The following RGS6 variants were observed in gnomAD, a reference collection of about 807,000 sequenced individuals.
The protein encoded by RGS6 is regulator of G-protein signaling 6.
RGS6 carries 30 observed loss-of-function variants against 78.5 expected under a neutral mutation model. The ratio of observed to expected loss-of-function variants is 0.38; its 90% CI spans 0.29 to 0.52. The LOEUF is 0.52. Among genes scored for constraint, RGS6 ranks in the 20% least tolerant of loss-of-function variants. The pLI, the probability that RGS6 is intolerant of heterozygous loss-of-function variation, is 0.85. For missense variants in RGS6, 495 were observed against 609.7 expected (o/e 0.81, Z 1.98); for synonymous variants, 206 against 206.0 (o/e 1.00, Z 0.00).
chr14:71,901,110 A>G, the RGS6 span, among the ~76,000 whole-genome samples: 1 of 152,242 alleles, frequency 6.6e-6, no homozygotes, highest in Non-Finnish European at 1.5e-5. Flanking sequence ...CTTGGAGAGG[A>G]TGAACATCCA....
intron 2 of RGS6, among the ~76,000 whole-genome samples, chr14:72,074,158 A>G (rs1226216084): frequency 2.6e-5 from 4 of 152,240 alleles, no homozygotes; most frequent in Admixed American, 6.5e-5. Flanking sequence ...GCTTCCTACC[A>G]TAACAGACAG....
chr14:71,891,156 T>C, the RGS6 span, among the ~76,000 whole-genome samples: 1 of 152,238 alleles, frequency 6.6e-6, no homozygotes, highest in African/African-American at 2.4e-5. Flanking sequence ...TTGTAGTTTG[T>C]AAAATTCTCA....
chr14:72,108,259 C>A (rs1422811381), intron 2 of RGS6, among the ~76,000 whole-genome samples: 1 of 152,100 alleles, frequency 6.6e-6, no homozygotes, highest in Non-Finnish European at 1.5e-5. Flanking sequence ...TAGATCATAT[C>A]CTTCTGGCAT....
chr14:72,475,836 A>ACACACACACACACG (rs1166119534), intron 10 of RGS6, among the ~76,000 whole-genome samples: 3 of 151,382 alleles, frequency 2.0e-5, no homozygotes, highest in Admixed American at 6.6e-5. Flanking sequence ...ACACGCACAC[A>ACACACACACACACG]CACACACACA....
intron 1 of RGS6, among the ~76,000 whole-genome samples, chr14:71,935,095 ATCT>A (rs538747886): frequency 6.6e-6 from 1 of 152,230 alleles, no homozygotes; most frequent in Non-Finnish European, 1.5e-5. Context: ...ACCAAATTTC[ATCT>A]TCTTTGTAAC....
chr14:72,308,646 A>C (rs781648873), intron 2 of RGS6, among the ~76,000 whole-genome samples: 7 of 152,218 alleles, frequency 4.6e-5, no homozygotes, highest in Non-Finnish European at 7.3e-5. Context: ...AGCAAATACT[A>C]AGTAAGCATC....
chr14:72,442,543 CTTA>C (rs901510331), intron 3 of RGS6, among the ~76,000 whole-genome samples: 2 of 152,208 alleles, frequency 1.3e-5, no homozygotes, highest in Non-Finnish European at 2.9e-5. Flanking sequence ...AGAGCCCTGT[CTTA>C]TTCATCATTG....
chr14:72,125,633 A>C (rs186530715), intron 2 of RGS6, among the ~76,000 whole-genome samples: 1 of 152,052 alleles, frequency 6.6e-6, no homozygotes, highest in African/African-American at 2.4e-5. Context: ...AGTGTGGTCT[A>C]TTGTGGGGGG....
chr14:72,357,353 C>T lies in RGS6; in HGVS notation c.184+5159C>T, dbSNP rs374592066. 4.0e-5 allele frequency among the ~76,000 whole-genome samples: 6 copies of T among 151,798 alleles called. No individual in the cohort carries two copies. In the East Asian group the frequency reaches 1.2e-3, roughly 29 times the overall value. On this transcript the variant is annotated intron_variant, in intron 3 of 17. Coordinates refer to ENST00000553525, the MANE Select transcript of RGS6 (RefSeq NM_001204424.2). ...ACAGTTTGAAGGGCTCAGAAGAAGA[C>T]AAGAATATGGGGGAAAGTTTGGAAC...
At chr14:72,367,126 A>G (rs1566641127) in intron 3 of RGS6, among the ~76,000 whole-genome samples, 1 of 152,166 alleles carries the variant, frequency 6.6e-6, no homozygotes, top group Non-Finnish European at 1.5e-5. Context: ...CCTCACTACC[A>G]TTGCAAACTG....
chr14:71,961,203 G>A (rs2093169290), intron 1 of RGS6, among the ~76,000 whole-genome samples: 1 of 152,184 alleles, frequency 6.6e-6, no homozygotes, highest in South Asian at 2.1e-4. Context: ...GAATAGAGGA[G>A]ATGGGCTGGG....
rs141767449 is a variant in RGS6, at chr14:72,101,310, A to G, written c.84+136435A>G. Among the ~76,000 whole-genome samples the G allele has an allele frequency of 2.3e-3, 346 of 152,292 alleles. 2 individuals carry two copies. The highest frequency in any genetic ancestry group is 7.8e-3 in the African/African-American group (324 of 41,548). On this transcript the variant is annotated intron_variant, in intron 2 of 17. Coordinates refer to ENST00000553525, the MANE Select transcript of RGS6 (RefSeq NM_001204424.2). ...TGAGATGTTCTTTTACTCATCCATC[A>G]ATTTCATTTTTGAGTGTCTACCACT...
At chr14:72,298,461 C>A (rs1236499835) in intron 2 of RGS6, among the ~76,000 whole-genome samples, 1 of 106,408 alleles carries the variant, frequency 9.4e-6, no homozygotes, top group Non-Finnish European at 1.8e-5. Context: ...TTTTTCCCCC[C>A]CTCTGAGACA....
intron 3 of RGS6, among the ~76,000 whole-genome samples, chr14:72,408,592 G>T (rs781699526): frequency 1.3e-5 from 2 of 152,116 alleles, no homozygotes; most frequent in South Asian, 4.1e-4. Context: ...AAACTCCTTT[G>T]CCATGAGCGT....
At chr14:72,317,511 C>T (rs2070644507) in intron 2 of RGS6, among the ~76,000 whole-genome samples, 1 of 152,114 alleles carries the variant, frequency 6.6e-6, no homozygotes. Flanking sequence ...AAGGCCTTCG[C>T]AAATTTACCT....
intron 3 of RGS6, among the ~76,000 whole-genome samples, chr14:72,408,856 G>T (rs2093168425): frequency 6.6e-6 from 1 of 152,130 alleles, no homozygotes; most frequent in Non-Finnish European, 1.5e-5. Context: ...AGTCATCATA[G>T]GGTGCCTGCC....
intron 3 of RGS6, among the ~76,000 whole-genome samples, chr14:72,447,363 G>A (rs2095391228): frequency 6.6e-6 from 1 of 152,186 alleles, no homozygotes. Context: ...GGCCTCACCA[G>A]ACTAGTAGAG....
the RGS6 span, among the ~76,000 whole-genome samples, chr14:72,624,929 C>A: frequency 3.9e-4 from 60 of 152,242 alleles, no homozygotes; most frequent in South Asian, 1.2e-3. Flanking sequence ...GAGGCCAGTA[C>A]GTCTTATTAC....
chr14:72,503,572 AAG>A (rs10602454), intron 13 of RGS6, among the ~76,000 whole-genome samples: 54 of 150,158 alleles, frequency 3.6e-4, no homozygotes, highest in Non-Finnish European at 3.4e-4. Flanking sequence ...TTCATTCAAA[AAG>A]AGAGAGAGAG....
Sources: allele counts gnomAD v4.1 joint callset (sites outside exome capture counted in the v4.1 genomes callset), GRCh38; gene constraint gnomAD v4.1.1; transcripts MANE v1.5; gene names NCBI Gene and HGNC (gene_info 2026-07-23, HGNC 2026-07-21).